The following BASP1 variants were observed in gnomAD, a reference collection of about 807,000 sequenced individuals.
BASP1 encodes the protein brain abundant membrane attached signal protein 1, also known as brain acid soluble protein 1.
In BASP1, 1 loss-of-function variant was observed where a neutral mutation model predicts 2.2. The ratio of observed to expected loss-of-function variants is 0.46; its 90% confidence interval spans 0.16 to 2.17. The LOEUF (loss-of-function observed/expected upper bound fraction) is 2.17. Ranked by LOEUF, BASP1 falls within the 30% of genes most tolerant of loss-of-function variation. BASP1 has a pLI of 0.27. For synonymous variants in BASP1, 187 were observed against 154.2 expected (o/e 1.21, Z -1.58); for missense variants, 352 against 327.2 (o/e 1.08, Z -0.58).
intron 1 of BASP1, among the ~76,000 whole-genome samples, chr5:17,263,712 A>C (rs1488936523): frequency 1.3e-5 from 2 of 152,170 alleles, no homozygotes; most frequent in Non-Finnish European, 2.9e-5. Flanking sequence ...GTGTGTGCTA[A>C]TCTGTGTATG....
At chr5:17,228,556 G>A (rs780525098) in intron 1 of BASP1, among the ~76,000 whole-genome samples, 1 of 152,180 alleles carries the variant, frequency 6.6e-6, no homozygotes, top group African/African-American at 2.4e-5. Flanking sequence ...CCCCAAACCC[G>A]TGTTAATTAG....
rs573794118 is a variant in BASP1, at chr5:17,276,618, T to C, written c.*718T>C. The stretch of plus-strand genomic sequence containing the variant: ...TTGGGTGCACCTGTAGTTCTGTTTA[T>C]TGGTCAGTGGAAATGAAAAAAAAAA... On this transcript the variant is annotated 3_prime_UTR_variant, in exon 2 of 2. Transcript: ENST00000322611. 1.7e-4 allele frequency: 25 copies of C among 147,166 alleles called. No homozygotes were observed. The highest frequency in any genetic ancestry group is 6.8e-4 in the African/African-American group (24 of 35,274). 9.1% of individuals were successfully genotyped at this position (147,166 alleles called of 1,614,324 possible).
chr5:17,222,748 A>G (rs763837937), intron 1 of BASP1, among the ~76,000 whole-genome samples: 1 of 152,216 alleles, frequency 6.6e-6, no homozygotes, highest in Non-Finnish European at 1.5e-5. Context: ...CAGACTTTCC[A>G]TACTCAGTAC....
At chr5:17,266,254 G>A (rs570375121) in intron 1 of BASP1, among the ~76,000 whole-genome samples, 59 of 152,258 alleles carry the variant, frequency 3.9e-4, no homozygotes, top group African/African-American at 1.4e-3. Flanking sequence ...AAAAATGCAG[G>A]AAAAAGATTA....
intron 1 of BASP1, among the ~76,000 whole-genome samples, chr5:17,266,431 A>G (rs1740415883): frequency 6.6e-6 from 1 of 151,898 alleles, no homozygotes; most frequent in Non-Finnish European, 1.5e-5. Context: ...GCTCTTGTTC[A>G]TCTAAGAGTA....
rs1740655325 is a variant in BASP1 at position 17,276,063 on chromosome 5, T to C, written c.*163T>C. The C allele has an allele frequency of 9.4e-6, 5 of 529,968 alleles. No homozygotes were observed. The highest frequency in any genetic ancestry group is 4.4e-5 in the Admixed American group (1 of 22,622). The allele number at this position is 529,968 out of a possible 1,614,324, so 32.8% of individuals were successfully genotyped here. A position where few individuals can be genotyped will look rare whatever the true frequency, so the allele number is the denominator to read the frequency against. ...TTGTTTCAAATTGGAAGTAATGATATGTATTGCCCAAGGAAAAATACAGGA... is the reference window on the plus strand; with the variant it reads ...TTGTTTCAAATTGGAAGTAATGATACGTATTGCCCAAGGAAAAATACAGGA... On this transcript the variant is annotated 3_prime_UTR_variant, in exon 2 of 2. Transcript: ENST00000322611.
rs187963598 is a variant in BASP1, at chr5:17,251,522, C to G, written c.-9-23686C>G. 1.2e-3 allele frequency among the ~76,000 whole-genome samples: 178 copies of G among 152,318 alleles called. 2 individuals are homozygous for G. Among genetic ancestry groups the G allele is most frequent in the Non-Finnish European group, 8.1e-4 (55 of 68,042 alleles). Reference sequence around the variant, plus strand: ...GGTTTCTGTGGAAGGGTCCAAACAGCGGCTGGAGCTCCAACTGTCTTTGTC... The same window carrying G: ...GGTTTCTGTGGAAGGGTCCAAACAGGGGCTGGAGCTCCAACTGTCTTTGTC... On this transcript the variant is annotated intron_variant, in intron 1 of 1. Transcript: ENST00000322611. The surrounding 1 kb of genome is among the most constrained non-coding windows in gnomAD (Gnocchi z 4.0).
intron 1 of BASP1, among the ~76,000 whole-genome samples, chr5:17,233,075 C>T (rs1020051895): frequency 1.3e-5 from 2 of 152,124 alleles, no homozygotes; most frequent in Non-Finnish European, 2.9e-5. Flanking sequence ...ATGTCTAGTT[C>T]TAGCAATACA....
intron 1 of BASP1, among the ~76,000 whole-genome samples, chr5:17,254,474 G>A (rs535887006): frequency 4.9e-4 from 75 of 152,218 alleles, no homozygotes; most frequent in Non-Finnish European, 8.8e-4. Context: ...ATGATGGTTC[G>A]GATTCTAGTG....
chr5:17,249,116 A>C (rs956554864), intron 1 of BASP1, among the ~76,000 whole-genome samples: 1 of 152,078 alleles, frequency 6.6e-6, no homozygotes, highest in African/African-American at 2.4e-5. Context: ...CTGAGATCTC[A>C]AACTTTTACA....
intron 1 of BASP1, among the ~76,000 whole-genome samples, chr5:17,240,396 C>T (rs1739838904): frequency 3.9e-5 from 6 of 152,070 alleles, no homozygotes; most frequent in South Asian, 2.1e-4. Flanking sequence ...ATTAGCTGGG[C>T]GTGGTGGCGG....
intron 1 of BASP1, among the ~76,000 whole-genome samples, chr5:17,231,143 T>C (rs1262539600): frequency 6.6e-6 from 1 of 152,222 alleles, no homozygotes; most frequent in Non-Finnish European, 1.5e-5. Flanking sequence ...ATGTAAGTTA[T>C]TGTAGAATTT....
At chr5:17,232,557 C>G (rs900041960) in intron 1 of BASP1, among the ~76,000 whole-genome samples, 40 of 152,296 alleles carry the variant, frequency 2.6e-4, no homozygotes, top group African/African-American at 9.4e-4. Context: ...CTAACCGAAC[C>G]TGTGGTCCAG....
At chr5:17,224,122 A>G (rs1048691974) in intron 1 of BASP1, among the ~76,000 whole-genome samples, 3 of 152,232 alleles carry the variant, frequency 2.0e-5, no homozygotes, top group African/African-American at 7.2e-5. Flanking sequence ...AACTGGTCTT[A>G]ACATTTCAGA....
chr5:17,260,997 T>C lies in BASP1; in HGVS notation c.-9-14211T>C, dbSNP rs1439548646. On this transcript the variant is annotated intron_variant, in intron 1 of 1. Coordinates refer to ENST00000322611, the MANE Select transcript of BASP1 (RefSeq NM_006317.5). This position sits in a 1 kb window ranked among gnomAD's most constrained non-coding sequence, Gnocchi z 4.2. ...GAGTTAAAGACTAGCCTGGGAAATA[T>C]AGTGAGACTCCCATCTCTAAAAATT... 6.6e-6 allele frequency among the ~76,000 whole-genome samples: 1 copy of C among 152,208 alleles called. No individual in the cohort carries two copies. Among genetic ancestry groups the C allele is most frequent in the Admixed American group, 6.5e-5 (1 of 15,280 alleles).
chr5:17,224,483 A>G (rs533703154), intron 1 of BASP1, among the ~76,000 whole-genome samples: 232 of 152,132 alleles, frequency 1.5e-3, no homozygotes, highest in African/African-American at 5.4e-3. Flanking sequence ...GGGGCTCTTG[A>G]ATAAAATGGG....
At chr5:17,261,337 G>A (rs1231866942) in intron 1 of BASP1, among the ~76,000 whole-genome samples, 1 of 152,174 alleles carries the variant, frequency 6.6e-6, no homozygotes, top group Non-Finnish European at 1.5e-5. Flanking sequence ...CACTGTGGCA[G>A]TTCTTCAGCA....
At position 17,276,728 on chromosome 5, in the gene BASP1, GAAAAAAAAAAC is replaced by G. The variant is rs1007915787; in HGVS notation, c.*847_*857del. 5.0e-4 allele frequency: 29 copies of G among 58,352 alleles called. No individual in the cohort carries two copies. The highest frequency in any genetic ancestry group is 2.2e-3 in the Admixed American group (8 of 3,708). 3.6% of individuals were successfully genotyped at this position (58,352 alleles called of 1,614,324 possible). On this transcript the variant is annotated 3_prime_UTR_variant, in exon 2 of 2. Coordinates refer to ENST00000322611, the MANE Select transcript of BASP1 (RefSeq NM_006317.5). ...CCAACACACCACTCATTGGAAAATG[GAAAAAAAAAAC>G]AAAAAAAAAACAAAAAAATGTACAA...
At chr5:17,256,649 G>A (rs1740217128) in intron 1 of BASP1, among the ~76,000 whole-genome samples, 1 of 152,214 alleles carries the variant, frequency 6.6e-6, no homozygotes, top group Non-Finnish European at 1.5e-5. Context: ...TTTAGTGGCT[G>A]TAACGAGACT....
Sources: allele counts gnomAD v4.1 joint callset (sites outside exome capture counted in the v4.1 genomes callset), GRCh38; gene constraint gnomAD v4.1.1; non-coding constraint Gnocchi (gnomAD v3.1); transcripts MANE v1.5; gene names NCBI Gene and HGNC (gene_info 2026-07-23, HGNC 2026-07-21).